GALNTL6: variants seen among roughly 807,000 people sequenced by gnomAD.
The protein encoded by GALNTL6 is polypeptide N-acetylgalactosaminyltransferase like 6.
GALNTL6 carries 46 observed loss-of-function variants against 73.7 expected under a neutral mutation model. The ratio of observed to expected loss-of-function variants is 0.62; its 90% CI spans 0.49 to 0.80. GALNTL6 has a LOEUF of 0.80. Ranked by LOEUF, GALNTL6 falls within the 30% of genes least tolerant of loss-of-function variation. The pLI is 0.00. For missense variants in GALNTL6, 604 were observed against 755.0 expected (o/e 0.80, Z 2.34); for synonymous variants, 259 against 263.7 (o/e 0.98, Z 0.17).
intron 2 of GALNTL6, among the ~76,000 whole-genome samples, chr4:172,218,717 A>T (rs1272710367): frequency 6.6e-6 from 1 of 152,030 alleles, no homozygotes; most frequent in East Asian, 1.9e-4. Context: ...TATAGGATGG[A>T]GCTGAAACCA....
chr4:172,899,725 T>C (rs1198759392), intron 8 of GALNTL6, among the ~76,000 whole-genome samples: 2 of 152,336 alleles, frequency 1.3e-5, no homozygotes, highest in Admixed American at 6.5e-5. Context: ...AAAGAATGGC[T>C]ACTCCATAGG....
At chr4:172,031,249 A>G (rs1013219811) in intron 2 of GALNTL6, among the ~76,000 whole-genome samples, 5 of 152,116 alleles carry the variant, frequency 3.3e-5, no homozygotes, top group African/African-American at 1.2e-4. Flanking sequence ...ATATCTGAAA[A>G]ATGCCAAACA....
intron 2 of GALNTL6, among the ~76,000 whole-genome samples, chr4:171,971,148 G>A (rs1739557566): frequency 6.6e-6 from 1 of 152,148 alleles, no homozygotes; most frequent in South Asian, 2.1e-4. Flanking sequence ...CAGAAAACAT[G>A]CAAAGTTTAT....
intron 2 of GALNTL6, among the ~76,000 whole-genome samples, chr4:171,922,511 C>T (rs935232222): frequency 4.8e-5 from 7 of 145,592 alleles, no homozygotes; most frequent in Admixed American, 1.4e-4. Flanking sequence ...GAAATAGTGA[C>T]ACATATTTTT....
At chr4:172,082,496 G>A (rs1731907499) in intron 2 of GALNTL6, among the ~76,000 whole-genome samples, 1 of 152,142 alleles carries the variant, frequency 6.6e-6, no homozygotes, top group African/African-American at 2.4e-5. Context: ...AGAGCAAAGG[G>A]ATAGAAAAGG....
intron 12 of GALNTL6, among the ~76,000 whole-genome samples, chr4:173,024,072 T>C (rs962291253): frequency 2.0e-5 from 3 of 152,204 alleles, no homozygotes; most frequent in African/African-American, 7.2e-5. Context: ...GAAAATGCAA[T>C]TGTTTTTATT....
chr4:172,785,680 G>A (rs10866365), intron 5 of GALNTL6, among the ~76,000 whole-genome samples: 1 of 151,922 alleles, frequency 6.6e-6, no homozygotes, highest in South Asian at 2.1e-4. Context: ...AGAGTGATGG[G>A]GAGATGGGGG....
intron 5 of GALNTL6, among the ~76,000 whole-genome samples, chr4:172,723,201 C>T (rs1452138016): frequency 1.3e-5 from 2 of 152,144 alleles, no homozygotes; most frequent in African/African-American, 4.8e-5. Flanking sequence ...ATTATGTCTC[C>T]ATCTCAATGT....
At chr4:172,882,930 C>A in intron 8 of GALNTL6, 23 bp downstream of exon 8, 1 of 1,195,246 alleles carries the variant, frequency 8.4e-7, no homozygotes, top group Non-Finnish European at 1.2e-6. Context: ...ACCCTCTTCA[C>A]ACTATATCTG....
chr4:172,549,906 C>A (rs1735896172), intron 5 of GALNTL6, among the ~76,000 whole-genome samples: 1 of 152,024 alleles, frequency 6.6e-6, no homozygotes, highest in African/African-American at 2.4e-5. Context: ...TAAATAAAAA[C>A]AATGCAAAAA....
intron 5 of GALNTL6, among the ~76,000 whole-genome samples, chr4:172,352,445 A>C (rs917778665): frequency 2.6e-5 from 4 of 152,110 alleles, no homozygotes; most frequent in Admixed American, 1.3e-4. Flanking sequence ...CTTTTTTTCC[A>C]GTAAGCTCTG....
intron 2 of GALNTL6, among the ~76,000 whole-genome samples, chr4:172,081,094 G>A (rs1482556202): frequency 1.3e-5 from 2 of 152,070 alleles, no homozygotes; most frequent in African/African-American, 4.8e-5. Context: ...TAGCACCCAA[G>A]TGCATGAATA....
At chr4:172,855,006 C>T (rs1362994750) in intron 7 of GALNTL6, among the ~76,000 whole-genome samples, 1 of 152,074 alleles carries the variant, frequency 6.6e-6, no homozygotes, top group East Asian at 1.9e-4. Flanking sequence ...AAATCTAGAA[C>T]ACATTTTTAC....
intron 5 of GALNTL6, among the ~76,000 whole-genome samples, chr4:172,621,346 T>G (rs772399124): frequency 6.6e-6 from 1 of 152,198 alleles, no homozygotes; most frequent in African/African-American, 2.4e-5. Flanking sequence ...TAAGCCAATG[T>G]GCCCACCCTA....
chr4:172,444,626 A>C (rs1371349187), intron 5 of GALNTL6, among the ~76,000 whole-genome samples: 1 of 152,178 alleles, frequency 6.6e-6, no homozygotes, highest in African/African-American at 2.4e-5. Flanking sequence ...GTGCCATGAT[A>C]TGTCTCGTAG....
chr4:172,094,613 T>G (rs1384261898), intron 2 of GALNTL6, among the ~76,000 whole-genome samples: 1 of 152,166 alleles, frequency 6.6e-6, no homozygotes, highest in Non-Finnish European at 1.5e-5. Context: ...TTTTTATATT[T>G]TCATAAATGT....
At chr4:172,226,601 GTTTC>G (rs112060602) in intron 2 of GALNTL6, among the ~76,000 whole-genome samples, 241 of 25,460 alleles carry the variant, frequency 9.5e-3, no homozygotes, top group Admixed American at 0.012. Flanking sequence ...GTGTGTGTGT[GTTTC>G]TGTGTGTGTG....
chr4:172,255,349 G>T (rs1343990392), intron 3 of GALNTL6, among the ~76,000 whole-genome samples: 1 of 125,894 alleles, frequency 7.9e-6, no homozygotes, highest in Non-Finnish European at 1.8e-5. Context: ...GGTAGAGCCT[G>T]TTCAATTAGT....
chr4:171,993,663 T>A (rs184764602), intron 2 of GALNTL6, among the ~76,000 whole-genome samples: 181 of 152,094 alleles, frequency 1.2e-3, no homozygotes, highest in Non-Finnish European at 1.7e-3. Flanking sequence ...TTGGAAGAGA[T>A]GCACACGTGA....
Sources: gnomAD v4.1 joint callset for allele counts (sites outside exome capture counted in the v4.1 genomes callset) on GRCh38, gnomAD v4.1.1 for gene constraint, MANE v1.5 for transcripts, NCBI Gene and HGNC (gene_info 2026-07-23, HGNC 2026-07-21) for gene names.